SNX25: variants seen among roughly 807,000 people sequenced by gnomAD.
The protein encoded by SNX25 is sorting nexin-25.
In SNX25, 62 loss-of-function variants were observed where a neutral mutation model predicts 113.7. The observed-to-expected ratio is 0.55, with a 90% confidence interval of 0.44 to 0.67. The LOEUF (loss-of-function observed/expected upper bound fraction) is 0.67, where lower values mean the gene tolerates loss of function less well. Ranked by LOEUF, SNX25 falls within the 30% of genes least tolerant of loss-of-function variation. The pLI, the probability that SNX25 is intolerant of heterozygous loss-of-function variation, is 0.00. For synonymous variants in SNX25, 421 were observed against 436.2 expected, an observed-to-expected ratio of 0.97 and a Z score of 0.43; for missense variants, 1,014 against 1,161.0, an observed-to-expected ratio of 0.87 and a Z score of 1.84.
At chr4:185,355,722 A>G (rs2095335857) in intron 15 of SNX25, among the ~76,000 whole-genome samples, 2 of 152,224 alleles carry the variant, frequency 1.3e-5, no homozygotes, top group Admixed American at 1.3e-4. Context: ...ATATACAGTG[A>G]TGTTTAACTT....
At chr4:185,330,920 C>A (rs558029234) in intron 9 of SNX25, among the ~76,000 whole-genome samples, 94 of 152,018 alleles carry the variant, frequency 6.2e-4, no homozygotes, top group African/African-American at 2.2e-3. Context: ...CTCTGTACTT[C>A]AGAAATTAAG....
intron 6 of SNX25, among the ~76,000 whole-genome samples, chr4:185,296,694 A>G (rs1486506760): frequency 6.6e-6 from 1 of 152,200 alleles, no homozygotes; most frequent in African/African-American, 2.4e-5. Context: ...ACAAAATTAC[A>G]TTAGGTATAA....
chr4:185,205,735 A>G (rs1737158088), upstream of SNX25, among the ~76,000 whole-genome samples: 1 of 152,224 alleles, frequency 6.6e-6, no homozygotes. Context: ...AGGCTGACGC[A>G]GAAGAATCGC....
chr4:185,327,859 T>C (rs934146114), intron 9 of SNX25, among the ~76,000 whole-genome samples: 1 of 152,222 alleles, frequency 6.6e-6, no homozygotes, highest in African/African-American at 2.4e-5. Context: ...GAGTTATAAT[T>C]TTGTAGCCTC....
chr4:185,365,385 G>A (rs1011813166), downstream of SNX25: 5 of 151,418 alleles, frequency 3.3e-5, no homozygotes, highest in East Asian at 1.9e-4. Context: ...ATGGAGTCTC[G>A]CTCTTGTCAC....
intron 1 of SNX25, among the ~76,000 whole-genome samples, chr4:185,241,138 G>C (rs1416399862): frequency 6.6e-6 from 1 of 151,696 alleles, no homozygotes; most frequent in East Asian, 2.0e-4. Flanking sequence ...GCTGGGAGGT[G>C]GAGGTTGTAG....
chr4:185,323,748 T>C lies in SNX25; in HGVS notation c.1697T>C (p.Ile566Thr). Residue 566 changes from isoleucine to threonine, a missense_variant, in exon 9 of 19, where the codon ATA (isoleucine) becomes ACA (threonine). Coordinates refer to ENST00000652585, the MANE Select transcript of SNX25 (RefSeq NM_001378034.2). ...IVSDLYEKLL[I>T]KEEEKHASQM... Reference sequence around the variant, plus strand: ...AGTGACCTGTATGAGAAATTGTTGATAAAAGAGGAAGAAAAACATGCCTCA... The same window carrying C: ...AGTGACCTGTATGAGAAATTGTTGACAAAAGAGGAAGAAAAACATGCCTCA... 1 of 1,613,660 alleles carries C rather than the reference T, an allele frequency of 6.2e-7. No homozygotes were observed. The highest frequency in any genetic ancestry group is 8.5e-7 in the Non-Finnish European group (1 of 1,179,846).
chr4:185,218,784 A>G (rs1739311846), intron 1 of SNX25, among the ~76,000 whole-genome samples: 1 of 152,236 alleles, frequency 6.6e-6, no homozygotes. Context: ...CTCTTGGAAA[A>G]TTAGATAAAT....
At chr4:185,212,100 AT>A (rs1737912737) in intron 1 of SNX25, among the ~76,000 whole-genome samples, 1 of 152,168 alleles carries the variant, frequency 6.6e-6, no homozygotes, top group Non-Finnish European at 1.5e-5. Context: ...AATATTGGTA[AT>A]TATTTTTGTC....
At position 185,320,784 on chromosome 4, in the gene SNX25, G is replaced by A. The variant is rs147560595; in HGVS notation, c.1396G>A (p.Gly466Arg). The A allele has an allele frequency of 2.4e-5, 38 of 1,603,932 alleles. No individual in the cohort carries two copies. In the Middle Eastern group the frequency reaches 5.1e-3, roughly 217 times the overall value. Residue 466 changes from glycine (G) to arginine (R), a missense_variant, in exon 8 of 19, where the codon GGA becomes AGA. Coordinates refer to ENST00000652585, the MANE Select transcript of SNX25 (RefSeq NM_001378034.2). ...LANTFYREHF[G>R]MYMERMDKRA... ...CAATACGTTCTACCGAGAGCACTTT[G>A]GAATGTACATGGAAAGGATGGACAA...
intron 1 of SNX25, among the ~76,000 whole-genome samples, chr4:185,214,615 C>T (rs72706073): frequency 1.3e-5 from 2 of 152,066 alleles, no homozygotes; most frequent in Non-Finnish European, 2.9e-5. Flanking sequence ...AGTAGAATAT[C>T]GGAAACTAAA....
At chr4:185,276,950 A>T (rs925372332) in intron 5 of SNX25, among the ~76,000 whole-genome samples, 4 of 152,204 alleles carry the variant, frequency 2.6e-5, no homozygotes, top group Non-Finnish European at 5.9e-5. Flanking sequence ...CGAAGGGTTG[A>T]GAAGGGCCAG....
chr4:185,220,772 G>T (rs1030591104), intron 1 of SNX25, among the ~76,000 whole-genome samples: 2 of 152,052 alleles, frequency 1.3e-5, no homozygotes, highest in African/African-American at 4.8e-5. Flanking sequence ...GAGCCACTGC[G>T]CCCGGCCTAA....
intron 9 of SNX25, among the ~76,000 whole-genome samples, chr4:185,329,050 G>A (rs2095176242): frequency 6.6e-6 from 1 of 152,106 alleles, no homozygotes; most frequent in Non-Finnish European, 1.5e-5. Context: ...TTTTCATTAA[G>A]AAGAAGGATT....
chr4:185,372,063 T>G (rs1277295053), downstream of SNX25, among the ~76,000 whole-genome samples: 2 of 152,154 alleles, frequency 1.3e-5, no homozygotes, highest in Admixed American at 6.5e-5. Context: ...AAAGACGTCT[T>G]TTATATTTTA....
At chr4:185,370,557 C>G, downstream of SNX25, 3 of 1,417,756 alleles carry the variant, frequency 2.1e-6, no homozygotes, top group East Asian at 4.8e-5. Flanking sequence ...AGAAAAAACA[C>G]TAATCCGTAA....
intron 17 of SNX25, 27 bp downstream of exon 17, chr4:185,362,132 A>T: frequency 6.3e-7 from 1 of 1,583,862 alleles, no homozygotes; most frequent in East Asian, 2.3e-5. Context: ...TAGCCTGAAA[A>T]GCATAGAGAT....
chr4:185,257,868 T>G (rs904530927), intron 2 of SNX25, among the ~76,000 whole-genome samples: 1 of 152,176 alleles, frequency 6.6e-6, no homozygotes, highest in African/African-American at 2.4e-5. Context: ...CTGAGCCTAG[T>G]GTGATATCTA....
intron 14 of SNX25, 182 bp from the exon 15 acceptor site, chr4:185,353,303 C>A: frequency 2.0e-6 from 1 of 503,814 alleles, no homozygotes; most frequent in Non-Finnish European, 3.5e-6. Flanking sequence ...GAATAAGGCT[C>A]GAGAATCAAG....
Sources: allele counts gnomAD v4.1 joint callset (sites outside exome capture counted in the v4.1 genomes callset), GRCh38; gene constraint gnomAD v4.1.1; transcripts MANE v1.5; gene names NCBI Gene and HGNC (gene_info 2026-07-23, HGNC 2026-07-21).